The following CSMD1 variants were observed in gnomAD, a reference collection of about 807,000 sequenced individuals.
The protein encoded by CSMD1 is CUB and Sushi multiple domains 1.
In CSMD1, 213 loss-of-function variants were observed where a neutral mutation model predicts 417.5. That is an observed-to-expected ratio of 0.51 (90% CI 0.46 to 0.57). The LOEUF is 0.57. CSMD1 is among the 20% of genes least tolerant of loss of function. The pLI, the probability that CSMD1 is intolerant of heterozygous loss-of-function variation, is 0.00. For synonymous variants in CSMD1, 2,862 were observed against 1,736.8 expected, an observed-to-expected ratio of 1.65 and a Z score of -16.11; for missense variants, 6,923 against 4,529.7, an observed-to-expected ratio of 1.53 and a Z score of -15.17.
chr8:3,045,979 CTT>C (rs1345458310), intron 50 of CSMD1, among the ~76,000 whole-genome samples: 1 of 152,182 alleles, frequency 6.6e-6, no homozygotes, highest in Non-Finnish European at 1.5e-5. Flanking sequence ...TGTAGCCCTA[CTT>C]ATGCACACAG....
At chr8:3,038,066 C>A (rs13268984) in intron 50 of CSMD1, among the ~76,000 whole-genome samples, 40,205 of 151,942 alleles carry the variant, frequency 0.26, 5,615 homozygotes, top group Non-Finnish European at 0.29. Flanking sequence ...TTTTAAAATA[C>A]ATATATTTGA....
chr8:3,723,878 CTATAA>C (rs1310957980), intron 6 of CSMD1, among the ~76,000 whole-genome samples: 4 of 152,192 alleles, frequency 2.6e-5, no homozygotes, highest in Non-Finnish European at 5.9e-5. Flanking sequence ...ACACGTTTTA[CTATAA>C]TAAAGTGCAA....
At chr8:4,053,406 T>C (rs557763988) in intron 3 of CSMD1, among the ~76,000 whole-genome samples, 17 of 151,444 alleles carry the variant, frequency 1.1e-4, no homozygotes, top group Non-Finnish European at 1.2e-4. Context: ...TACCTTGGTG[T>C]GAATAGCTCC....
chr8:4,426,631 A>C (rs1188384950), intron 2 of CSMD1, among the ~76,000 whole-genome samples: 1 of 146,818 alleles, frequency 6.8e-6, no homozygotes, highest in Non-Finnish European at 1.5e-5. Context: ...ACTATATAAT[A>C]TAGTAATATT....
intron 26 of CSMD1, among the ~76,000 whole-genome samples, chr8:3,267,013 T>C (rs554954819): frequency 2.0e-5 from 3 of 152,062 alleles, no homozygotes; most frequent in South Asian, 2.1e-4. Flanking sequence ...TGAACGATGG[T>C]AGTTTTAGGT....
At chr8:3,316,077 TG>T (rs1389471305) in intron 23 of CSMD1, among the ~76,000 whole-genome samples, 1 of 152,016 alleles carries the variant, frequency 6.6e-6, no homozygotes, top group Non-Finnish European at 1.5e-5. Flanking sequence ...AAACTCAGAG[TG>T]GGGGAACTTG....
chr8:4,673,203 A>T (rs1220135510), intron 1 of CSMD1, among the ~76,000 whole-genome samples: 2 of 152,248 alleles, frequency 1.3e-5, no homozygotes, highest in Non-Finnish European at 2.9e-5. Flanking sequence ...TATCAGGTAC[A>T]ATGTTAAAAT....
At chr8:4,043,974 C>G (rs1375892298) in intron 3 of CSMD1, among the ~76,000 whole-genome samples, 1 of 151,966 alleles carries the variant, frequency 6.6e-6, no homozygotes, top group Non-Finnish European at 1.5e-5. Flanking sequence ...AATTGAAATG[C>G]TTTTAAATGC....
chr8:3,557,619 T>C (rs1442136869), intron 10 of CSMD1, among the ~76,000 whole-genome samples: 3 of 152,180 alleles, frequency 2.0e-5, no homozygotes, highest in Non-Finnish European at 2.9e-5. Flanking sequence ...CTTTCTTTCC[T>C]CTGCTTTGAG....
intron 3 of CSMD1, among the ~76,000 whole-genome samples, chr8:4,314,112 C>T (rs35250106): frequency 0.11 from 17,213 of 151,778 alleles, 3,033 homozygotes; most frequent in African/African-American, 0.38. Flanking sequence ...ACACTGATAC[C>T]ACCATGTATC....
At chr8:4,731,432 G>A (rs1374741864) in intron 1 of CSMD1, among the ~76,000 whole-genome samples, 1 of 152,126 alleles carries the variant, frequency 6.6e-6, no homozygotes, top group Non-Finnish European at 1.5e-5. Context: ...GAGTATCTTG[G>A]TCATTTATAA....
chr8:4,199,601 C>T (rs760096204), intron 3 of CSMD1, among the ~76,000 whole-genome samples: 9 of 152,192 alleles, frequency 5.9e-5, no homozygotes, highest in Non-Finnish European at 1.3e-4. Flanking sequence ...TCTTTGATTC[C>T]TCCTCAACGC....
intron 3 of CSMD1, among the ~76,000 whole-genome samples, chr8:4,150,664 G>C (rs1379626800): frequency 6.6e-6 from 1 of 152,212 alleles, no homozygotes; most frequent in Non-Finnish European, 1.5e-5. Context: ...TGGTTAGGGT[G>C]CAGATAAGGA....
chr8:3,215,627 T>G (rs1271090897), intron 29 of CSMD1, among the ~76,000 whole-genome samples: 1 of 152,348 alleles, frequency 6.6e-6, no homozygotes, highest in East Asian at 1.9e-4. Context: ...ATACAAAACC[T>G]TTTTTCTTCA....
At chr8:4,179,076 A>C (rs1798211584) in intron 3 of CSMD1, among the ~76,000 whole-genome samples, 1 of 152,084 alleles carries the variant, frequency 6.6e-6, no homozygotes, top group African/African-American at 2.4e-5. Flanking sequence ...AGAAAAAACT[A>C]CTTTAAAGTT....
intron 1 of CSMD1, among the ~76,000 whole-genome samples, chr8:4,640,898 C>T (rs1375944181): frequency 6.7e-6 from 1 of 149,282 alleles, no homozygotes; most frequent in Non-Finnish European, 1.5e-5. Context: ...GGTCTTCTTC[C>T]TCCATAAACT....
chr8:4,404,960 G>C (rs1226409334), intron 3 of CSMD1, among the ~76,000 whole-genome samples: 1 of 152,168 alleles, frequency 6.6e-6, no homozygotes, highest in Non-Finnish European at 1.5e-5. Flanking sequence ...TGGAAATATG[G>C]AAACCGAGGC....
intron 3 of CSMD1, among the ~76,000 whole-genome samples, chr8:4,389,093 T>C (rs1584999458): frequency 6.6e-6 from 1 of 152,334 alleles, no homozygotes; most frequent in East Asian, 1.9e-4. Flanking sequence ...ATAGGAATGT[T>C]TCCAGTGAAA....
intron 2 of CSMD1, among the ~76,000 whole-genome samples, chr8:4,574,380 G>A (rs75562852): frequency 2.5e-3 from 375 of 152,234 alleles, no homozygotes; most frequent in African/African-American, 8.7e-3. Context: ...AGGAGAGGGG[G>A]TTACCCAGCC....
Sources: gnomAD v4.1 joint callset for allele counts (sites outside exome capture counted in the v4.1 genomes callset) on GRCh38, gnomAD v4.1.1 for gene constraint, MANE v1.5 for transcripts, NCBI Gene and HGNC (gene_info 2026-07-23, HGNC 2026-07-21) for gene names.